CSMD1: variants seen among roughly 807,000 people sequenced by gnomAD.
The protein encoded by CSMD1 is CUB and Sushi multiple domains 1.
Under a neutral mutation model 417.5 loss-of-function variants are expected in CSMD1, and 213 were observed. The observed-to-expected ratio is 0.51, with a 90% CI of 0.46 to 0.57. CSMD1 has a LOEUF of 0.57. Ranked by LOEUF, CSMD1 falls within the 20% of genes least tolerant of loss-of-function variation. The pLI is 0.00. For synonymous variants in CSMD1, 2,862 were observed against 1,736.8 expected (o/e 1.65, Z -16.11); for missense variants, 6,923 against 4,529.7 (o/e 1.53, Z -15.17).
At chr8:3,000,785 T>A (rs1196390689) in intron 52 of CSMD1, among the ~76,000 whole-genome samples, 3 of 152,056 alleles carry the variant, frequency 2.0e-5, no homozygotes, top group Admixed American at 6.6e-5. Context: ...AAACTAAAGG[T>A]GGCAGGGCTT....
At chr8:4,930,917 A>C (rs1807206481) in intron 1 of CSMD1, among the ~76,000 whole-genome samples, 1 of 152,200 alleles carries the variant, frequency 6.6e-6, no homozygotes. Context: ...CATCTAACAC[A>C]GTGGTTGACA....
At chr8:4,372,434 C>G (rs1468114622) in intron 3 of CSMD1, among the ~76,000 whole-genome samples, 1 of 151,828 alleles carries the variant, frequency 6.6e-6, no homozygotes, top group East Asian at 1.9e-4. Flanking sequence ...TTTTTGTATA[C>G]CATGAATTAG....
intron 10 of CSMD1, among the ~76,000 whole-genome samples, chr8:3,559,371 G>C (rs1317327309): frequency 6.6e-6 from 1 of 152,158 alleles, no homozygotes; most frequent in Non-Finnish European, 1.5e-5. Flanking sequence ...TAAGCTGATG[G>C]GAAGAAATAC....
At chr8:3,875,743 A>T (rs983350139) in intron 5 of CSMD1, among the ~76,000 whole-genome samples, 2 of 152,192 alleles carry the variant, frequency 1.3e-5, no homozygotes, top group African/African-American at 2.4e-5. Context: ...AAGGCAGTCA[A>T]AGAAATGGAG....
chr8:3,666,379 CAAGT>C (rs1798695526), intron 7 of CSMD1, among the ~76,000 whole-genome samples: 1 of 152,120 alleles, frequency 6.6e-6, no homozygotes, highest in African/African-American at 2.4e-5. Context: ...CAGTAGAGTT[CAAGT>C]AATTGATTAA....
At chr8:3,933,656 AAC>A (rs1810301340) in intron 5 of CSMD1, among the ~76,000 whole-genome samples, 2 of 152,212 alleles carry the variant, frequency 1.3e-5, no homozygotes, top group African/African-American at 4.8e-5. Context: ...ATTTCAGAAA[AAC>A]AGTTATTATT....
intron 1 of CSMD1, among the ~76,000 whole-genome samples, chr8:4,915,815 C>A (rs1806026655): frequency 6.6e-6 from 1 of 152,210 alleles, no homozygotes; most frequent in African/African-American, 2.4e-5. Flanking sequence ...GGCATCTTGG[C>A]CACACGGAGA....
Position 3,343,412 on chromosome 8 carries a change from G to A in CSMD1, c.3513C>T (p.Gly1171=), listed in dbSNP as rs751137005. The change falls in exon 23 of 70, where the codon GGC becomes GGT. Residue 1171 remains glycine, a synonymous_variant. Transcript: ENST00000635120. ...CCAGAAGTTCATTTTTAGTGAACGTGCCCAGTGGACGTGAGGAACTGTCTT... is the reference window on the plus strand; with the variant it reads ...CCAGAAGTTCATTTTTAGTGAACGTACCCAGTGGACGTGAGGAACTGTCTT... ...DGKDSSSRPL[G]TFTKNELLGL... The A allele has an allele frequency of 6.2e-7, 1 of 1,613,756 alleles. No homozygotes were observed. Among genetic ancestry groups the A allele is most frequent in the Non-Finnish European group, 8.5e-7 (1 of 1,179,734 alleles).
chr8:4,091,261 A>C (rs1391094586), intron 3 of CSMD1, among the ~76,000 whole-genome samples: 1 of 152,160 alleles, frequency 6.6e-6, no homozygotes, highest in African/African-American at 2.4e-5. Flanking sequence ...CAAATTAGAA[A>C]AAAATAATAA....
intron 23 of CSMD1, among the ~76,000 whole-genome samples, chr8:3,337,297 T>G (rs1048430481): frequency 3.3e-5 from 5 of 152,344 alleles, no homozygotes; most frequent in African/African-American, 9.6e-5. Flanking sequence ...CTTTTATTAT[T>G]CATCACTTTT....
chr8:4,007,533 T>C (rs17068524), intron 4 of CSMD1, among the ~76,000 whole-genome samples: 1,962 of 152,180 alleles, frequency 0.013, 47 homozygotes, highest in African/African-American at 0.045. Context: ...CTCACCTAGA[T>C]TGCTTCCCAC....
chr8:4,462,929 C>T (rs989282367), intron 2 of CSMD1, among the ~76,000 whole-genome samples: 1 of 152,004 alleles, frequency 6.6e-6, no homozygotes, highest in Non-Finnish European at 1.5e-5. Flanking sequence ...GATATGACAT[C>T]AAAAGCACAA....
chr8:4,894,211 T>C (rs1585278811), intron 1 of CSMD1, among the ~76,000 whole-genome samples: 1 of 152,100 alleles, frequency 6.6e-6, no homozygotes, highest in Non-Finnish European at 1.5e-5. Context: ...ATGCCCAAAC[T>C]TCATCCATTT....
intron 26 of CSMD1, among the ~76,000 whole-genome samples, chr8:3,275,056 G>A (rs566584788): frequency 3.2e-4 from 48 of 152,206 alleles, no homozygotes; most frequent in Admixed American, 2.2e-3. Context: ...TGATTTTGCC[G>A]TGCCTGGTAC....
chr8:3,804,165 C>G (rs1040729868), intron 5 of CSMD1, among the ~76,000 whole-genome samples: 7 of 152,226 alleles, frequency 4.6e-5, no homozygotes, highest in Admixed American at 3.9e-4. Context: ...CTCCCGACCC[C>G]AGGTGATCTG....
chr8:3,453,007 T>C (rs191358008), intron 12 of CSMD1, among the ~76,000 whole-genome samples: 2,554 of 152,294 alleles, frequency 0.017, 83 homozygotes, highest in African/African-American at 0.059. Flanking sequence ...CTGTTATTGG[T>C]CTATTCAGAG....
At chr8:4,047,743 A>C (rs1233382242) in intron 3 of CSMD1, among the ~76,000 whole-genome samples, 1 of 152,084 alleles carries the variant, frequency 6.6e-6, no homozygotes, top group Non-Finnish European at 1.5e-5. Flanking sequence ...AAAATAAATC[A>C]AGAGAAAATG....
chr8:3,838,010 C>T (rs11786944), intron 5 of CSMD1, among the ~76,000 whole-genome samples: 1 of 151,938 alleles, frequency 6.6e-6, no homozygotes, highest in African/African-American at 2.4e-5. Flanking sequence ...ATGCCCTCCC[C>T]AACTAATTAT....
chr8:4,481,264 T>C (rs1055031004), intron 2 of CSMD1, among the ~76,000 whole-genome samples: 3 of 152,232 alleles, frequency 2.0e-5, no homozygotes. Context: ...CCCATGCACA[T>C]TTTCCTGCTG....
Sources: allele counts gnomAD v4.1 joint callset (sites outside exome capture counted in the v4.1 genomes callset), GRCh38; gene constraint gnomAD v4.1.1; transcripts MANE v1.5; gene names NCBI Gene and HGNC (gene_info 2026-07-23, HGNC 2026-07-21).